Variants in BCAR3 observed in about 807,000 individuals in gnomAD.
BCAR3 encodes breast cancer anti-estrogen resistance protein 3.
In BCAR3, 37 loss-of-function variants were observed where a neutral mutation model predicts 80.1. That is an observed-to-expected ratio of 0.46 (90% confidence interval 0.36 to 0.61). The LOEUF (loss-of-function observed/expected upper bound fraction) is 0.61, where lower values mean the gene tolerates loss of function less well. Ranked by LOEUF, BCAR3 falls within the 20% of genes least tolerant of loss-of-function variation. BCAR3 has a pLI of 0.00. For missense variants in BCAR3, 978 were observed against 1,068.2 expected (o/e 0.92, Z 1.18); for synonymous variants, 389 against 418.9 (o/e 0.93, Z 0.87).
chr1:93,813,136 C>T (rs1307730886), intron 2 of BCAR3, among the ~76,000 whole-genome samples: 1 of 152,088 alleles, frequency 6.6e-6, no homozygotes, highest in East Asian at 1.9e-4. Context: ...CCTGTGTCCC[C>T]AGCCCCCAGA....
chr1:93,596,458 C>T (rs1321283039), intron 3 of BCAR3, among the ~76,000 whole-genome samples: 2 of 152,140 alleles, frequency 1.3e-5, no homozygotes, highest in African/African-American at 4.8e-5. Context: ...AGGCTGGACT[C>T]AAATCATCCT....
In BCAR3 at chr1:93,719,334, G is replaced by GTTTTTTTTTTT. The variant is rs1217381018; in HGVS notation, c.-62-13203_-62-13193dup. Among the ~76,000 whole-genome samples, 10 of 73,208 alleles carry GTTTTTTTTTTT rather than the reference G, an allele frequency of 1.4e-4. 1 individual carries two copies. Among genetic ancestry groups the GTTTTTTTTTTT allele is most frequent in the Admixed American group, 2.2e-4 (1 of 4,508 alleles). The allele number at this position is 73,208 out of a possible 152,430, so 48.0% of individuals were successfully genotyped here. ...TTAGTCTCTATATTTAAACTTTCTTGTTTTTTTTTTTTTTTTTTTTTTTTT... is the reference window on the plus strand; with the variant it reads ...TTAGTCTCTATATTTAAACTTTCTTGTTTTTTTTTTTTTTTTTTTTTTTTTTTTTTTTTTTT... On this transcript the variant is annotated intron_variant, in intron 2 of 13. Coordinates refer to the BCAR3 transcript ENST00000370244.
intron 2 of BCAR3, among the ~76,000 whole-genome samples, chr1:93,833,635 T>G (rs574281887): frequency 6.6e-6 from 1 of 152,322 alleles, no homozygotes; most frequent in South Asian, 2.1e-4. Context: ...ATATTTCTCC[T>G]ATTCACTTTT....
intron 2 of BCAR3, among the ~76,000 whole-genome samples, chr1:93,745,376 A>G (rs1027087064): frequency 2.6e-5 from 4 of 152,244 alleles, no homozygotes; most frequent in Non-Finnish European, 5.9e-5. Context: ...AGAGGGGCCC[A>G]TGGCTCAGTT....
At chr1:93,833,510 T>A (rs947791923) in intron 2 of BCAR3, among the ~76,000 whole-genome samples, 2 of 152,170 alleles carry the variant, frequency 1.3e-5, no homozygotes, top group African/African-American at 2.4e-5. Context: ...GTGTATTTCA[T>A]CCCTTATCTA....
At chr1:93,633,215 G>A (rs978428601) in intron 3 of BCAR3, among the ~76,000 whole-genome samples, 5 of 152,030 alleles carry the variant, frequency 3.3e-5, no homozygotes, top group Admixed American at 3.3e-4. Flanking sequence ...CTATTTACTG[G>A]CTTCTGGCAC....
intron 2 of BCAR3, among the ~76,000 whole-genome samples, chr1:93,712,055 G>A (rs1193513616): frequency 6.6e-6 from 1 of 152,210 alleles, no homozygotes; most frequent in Non-Finnish European, 1.5e-5. Context: ...TCTTGGGCAA[G>A]TTCCTTCACT....
rs993693398 is a variant in BCAR3, at chr1:93,567,184, G to C, written c.2299+95C>G. 2.8e-6 allele frequency: 4 copies of C among 1,403,670 alleles called. No individual in the cohort carries two copies. In the African/African-American group the frequency reaches 5.8e-5, roughly 20 times the overall value. 87.0% of individuals were successfully genotyped at this position (1,403,670 alleles called of 1,614,324 possible). On this transcript the variant is annotated intron_variant, in intron 11 of 11. Transcript: ENST00000260502. ...TTCCATTCTTTAATCCTTCCTTTTT[G>C]GTCTTTTTCTAAGTGAAGTCAGCCA...
At chr1:93,565,267 T>C (rs1320324296) in intron 11 of BCAR3, among the ~76,000 whole-genome samples, 1 of 152,196 alleles carries the variant, frequency 6.6e-6, no homozygotes, top group Non-Finnish European at 1.5e-5. Context: ...GGTTTTGCCA[T>C]GTTGTCCAGG....
chr1:93,826,758 G>T (rs565782198), intron 2 of BCAR3, among the ~76,000 whole-genome samples: 2 of 152,278 alleles, frequency 1.3e-5, no homozygotes, highest in Admixed American at 1.3e-4. Flanking sequence ...GAAACTTGAA[G>T]AATGGAGAAT....
rs957157828 is a variant in BCAR3, at chr1:93,567,378, C to T, written c.2200G>A (p.Asp734Asn). 6 of 1,614,144 alleles carry T rather than the reference C, an allele frequency of 3.7e-6. No homozygotes were observed. Among genetic ancestry groups the T allele is most frequent in the South Asian group, 1.1e-5 (1 of 91,044 alleles). Residue 734 changes from aspartate (D) to asparagine (N), a missense_variant, in exon 11 of 12, where the codon GAC (aspartate) becomes AAC (asparagine). Transcript: ENST00000260502. ...FEGTDMWEKN[D>N]QSCEIMLNHL... ...TTCAGCATGATTTCACAGCTCTGGT[C>T]GTTTTTTTCCCACATGTCGGTTCCT...
intron 2 of BCAR3, among the ~76,000 whole-genome samples, chr1:93,741,626 A>G (rs1651178668): frequency 6.6e-6 from 1 of 152,174 alleles, no homozygotes; most frequent in Non-Finnish European, 1.5e-5. Context: ...GCTGGAGTGC[A>G]ATGGCGCTAT....
chr1:93,628,730 C>T (rs886072000), intron 3 of BCAR3, among the ~76,000 whole-genome samples: 2 of 152,164 alleles, frequency 1.3e-5, no homozygotes, highest in African/African-American at 4.8e-5. Flanking sequence ...CACTCATCGT[C>T]AGCTAACAGG....
intron 2 of BCAR3, among the ~76,000 whole-genome samples, chr1:93,666,583 G>A (rs538877835): frequency 6.6e-6 from 1 of 152,132 alleles, no homozygotes; most frequent in South Asian, 2.1e-4. Context: ...TGCTTCACTA[G>A]GTACCTGGCA....
intron 2 of BCAR3, among the ~76,000 whole-genome samples, chr1:93,769,354 A>G (rs1328140755): frequency 1.2e-5 from 1 of 82,560 alleles, no homozygotes; most frequent in African/African-American, 4.9e-5. Context: ...TGTGGGTAGG[A>G]ATGTGTGTGT....
chr1:93,712,635 T>G (rs1192801782), intron 2 of BCAR3, among the ~76,000 whole-genome samples: 3 of 152,218 alleles, frequency 2.0e-5, no homozygotes, highest in Admixed American at 1.3e-4. Context: ...CCTGCCTTAT[T>G]ATTTTTGACC....
intron 3 of BCAR3, among the ~76,000 whole-genome samples, chr1:93,628,580 T>C (rs1172483199): frequency 6.6e-6 from 1 of 152,184 alleles, no homozygotes; most frequent in Admixed American, 6.5e-5. Flanking sequence ...TTCTTCCCCT[T>C]AGACATTACA....
intron 8 of BCAR3, 34 bp downstream of exon 8, chr1:93,575,980 G>C: frequency 6.3e-7 from 1 of 1,578,238 alleles, no homozygotes; most frequent in Non-Finnish European, 8.7e-7. Flanking sequence ...AAGGAGCTGG[G>C]AGGGTCGGAA....
intron 3 of BCAR3, among the ~76,000 whole-genome samples, chr1:93,697,995 CA>C (rs1450616003): frequency 6.6e-6 from 1 of 151,966 alleles, no homozygotes; most frequent in Admixed American, 6.6e-5. Context: ...AAAACAAAAA[CA>C]AAAAAACAAA....
Sources: gnomAD v4.1 joint callset for allele counts (sites outside exome capture counted in the v4.1 genomes callset) on GRCh38, gnomAD v4.1.1 for gene constraint, MANE v1.5 for transcripts, NCBI Gene and HGNC (gene_info 2026-07-23, HGNC 2026-07-21) for gene names.